PPP1R1C: variants seen among roughly 807,000 people sequenced by gnomAD.
PPP1R1C encodes protein phosphatase 1 regulatory subunit 1C.
A neutral mutation model predicts 17.4 loss-of-function variants in PPP1R1C; 15 were observed. The observed-to-expected ratio is 0.86, with a 90% CI of 0.58 to 1.33. The LOEUF is 1.33. Among genes scored for constraint, PPP1R1C ranks in the 40% most tolerant of loss-of-function variants. The pLI, the probability that PPP1R1C is intolerant of heterozygous loss-of-function variation, is 0.00. For missense variants in PPP1R1C, 143 were observed against 130.0 expected (o/e 1.10, Z -0.48); for synonymous variants, 35 against 43.1 (o/e 0.81, Z 0.73).
At chr2:182,042,374 G>A (rs1687211373) in intron 2 of PPP1R1C, among the ~76,000 whole-genome samples, 2 of 152,194 alleles carry the variant, frequency 1.3e-5, no homozygotes, top group South Asian at 2.1e-4. Flanking sequence ...ATTTCAGAAA[G>A]CAAGAATAAG....
Position 181,962,214 on chromosome 2 carries a change from C to A in PPP1R1C, n.111+7580C>A. ...CTGTCCAGGTAGGAGGCCAGACGGT[C>A]ATTCAGGCTTTGCATTGTCTCCTTC... On this transcript the variant is annotated intron_variant and non_coding_transcript_variant, in intron 1 of 5. Coordinates refer to the PPP1R1C transcript ENST00000464264. This position sits in a 1 kb window ranked among gnomAD's most constrained non-coding sequence, Gnocchi z 6.0. 1 of 737,394 alleles carries A rather than the reference C, an allele frequency of 1.4e-6. No individual in the cohort carries two copies. The highest frequency in any genetic ancestry group is 1.4e-5 in the South Asian group (1 of 72,438). The allele number at this position is 737,394 out of a possible 1,614,324, so 45.7% of individuals were successfully genotyped here. A position where few individuals can be genotyped will look rare whatever the true frequency, so the allele number is the denominator to read the frequency against.
chr2:182,019,251 T>C (rs1367557742), intron 2 of PPP1R1C, among the ~76,000 whole-genome samples: 3 of 152,232 alleles, frequency 2.0e-5, no homozygotes, highest in Non-Finnish European at 4.4e-5. Context: ...CAATAATTCC[T>C]GAAGTTTCTT....
At chr2:182,090,895 T>A (rs1688761323) in intron 4 of PPP1R1C, among the ~76,000 whole-genome samples, 1 of 152,128 alleles carries the variant, frequency 6.6e-6, no homozygotes, top group Non-Finnish European at 1.5e-5. Flanking sequence ...ACATAAAAAC[T>A]TTAAAGTTTG....
intron 2 of PPP1R1C, among the ~76,000 whole-genome samples, chr2:182,039,498 C>T (rs568833757): frequency 2.6e-5 from 4 of 152,258 alleles, no homozygotes; most frequent in African/African-American, 9.6e-5. Context: ...AATTCTCTAA[C>T]CTCAGCCTCC....
At chr2:181,996,958 G>A (rs1047119034) in intron 2 of PPP1R1C, among the ~76,000 whole-genome samples, 11 of 152,142 alleles carry the variant, frequency 7.2e-5, no homozygotes, top group African/African-American at 2.4e-4. Flanking sequence ...AGCCGGGCGC[G>A]GTGGCTCACG....
intron 4 of PPP1R1C, among the ~76,000 whole-genome samples, chr2:182,082,192 T>C (rs1412215680): frequency 6.6e-6 from 1 of 152,092 alleles, no homozygotes; most frequent in Non-Finnish European, 1.5e-5. Flanking sequence ...ACTTCACCCA[T>C]GCAAAGAATA....
upstream of PPP1R1C, among the ~76,000 whole-genome samples, chr2:181,982,528 A>T (rs1009275535): frequency 6.6e-6 from 1 of 152,236 alleles, no homozygotes; most frequent in Admixed American, 6.5e-5. Flanking sequence ...GGAAATTATT[A>T]TAGAATAACA....
chr2:182,019,717 G>T (rs1686359656), intron 2 of PPP1R1C, among the ~76,000 whole-genome samples: 8 of 152,168 alleles, frequency 5.3e-5, no homozygotes, highest in Admixed American at 5.2e-4. Context: ...TTTGAACTCA[G>T]AGATCTGATC....
intron 2 of PPP1R1C, among the ~76,000 whole-genome samples, chr2:182,028,788 G>C (rs1196181): frequency 8.8e-6 from 1 of 113,996 alleles, no homozygotes; most frequent in Non-Finnish European, 1.9e-5. Flanking sequence ...TGTCTCGTTG[G>C]TCTGTCTAAT....
At chr2:182,017,867 G>T in intron 2 of PPP1R1C, among the ~76,000 whole-genome samples, 1 of 152,084 alleles carries the variant, frequency 6.6e-6, no homozygotes, top group East Asian at 1.9e-4. Flanking sequence ...TAGATTTCTG[G>T]GATAAGTCAA....
chr2:182,115,172 T>C lies in PPP1R1C; in HGVS notation c.242-2035T>C, dbSNP rs533577595. Among the ~76,000 whole-genome samples the C allele has an allele frequency of 3.3e-5, 5 of 152,264 alleles. No homozygotes were observed. In the South Asian group the frequency reaches 8.3e-4, roughly 25 times the overall value. The stretch of plus-strand genomic sequence containing the variant: ...CTAAGGAAGAAGAGTGGTAGGTGGC[T>C]GAATGATTACTGTGTCTTAATATTT... On this transcript the variant is annotated intron_variant, in intron 4 of 4. Transcript: ENST00000682840.
chr2:181,982,224 T>A (rs2125137373), upstream of PPP1R1C, among the ~76,000 whole-genome samples: 1 of 152,238 alleles, frequency 6.6e-6, no homozygotes, highest in Non-Finnish European at 1.5e-5. Context: ...TTGACAGTTA[T>A]CAGATAAAGA....
Position 182,063,806 on chromosome 2 carries a change from C to G in PPP1R1C, c.241+15C>G. On this transcript the variant is annotated intron_variant, in intron 4 of 4. Coordinates refer to ENST00000682840, the MANE Select transcript of PPP1R1C (RefSeq NM_001080545.3). ...CACCATAAAAGGTACTGTTCAGGTA[C>G]TGTTTCGGGTTGTCATGAGTGGTGA... is the stretch of plus-strand genomic sequence containing the variant. The G allele has an allele frequency of 6.2e-7, 1 of 1,609,536 alleles. No individual in the cohort carries two copies. The highest frequency in any genetic ancestry group is 1.1e-5 in the South Asian group (1 of 90,976).
At chr2:182,126,180 T>C (rs1689868142) in intron 5 of PPP1R1C, among the ~76,000 whole-genome samples, 1 of 152,058 alleles carries the variant, frequency 6.6e-6, no homozygotes, top group Non-Finnish European at 1.5e-5. Flanking sequence ...TAAAAGTCTT[T>C]ATATGTTTTT....
chr2:182,131,193 A>T (rs1435353548), downstream of PPP1R1C: 1 of 136,954 alleles, frequency 7.3e-6, no homozygotes, highest in South Asian at 2.3e-4. Context: ...TTTTTTTTCT[A>T]TTGAGCAGTG....
rs1461836171 is a variant in PPP1R1C at position 182,033,220 on chromosome 2, T to C, written c.143-28222T>C. On this transcript the variant is annotated intron_variant, in intron 2 of 4. Coordinates refer to ENST00000682840, the MANE Select transcript of PPP1R1C (RefSeq NM_001080545.3). ...CATCTTGCTCTGCTCCTAAGTTTCC[T>C]ACCACACAAACAATGATCTTTCTAG... Among the ~76,000 whole-genome samples the C allele has an allele frequency of 2.0e-5, 3 of 152,192 alleles. No individual in the cohort carries two copies. The East Asian group carries it at 5.8e-4, about 29-fold the overall frequency.
At chr2:182,063,374 A>G (rs1687899397) in intron 3 of PPP1R1C, among the ~76,000 whole-genome samples, 1 of 152,092 alleles carries the variant, frequency 6.6e-6, no homozygotes, top group South Asian at 2.1e-4. Flanking sequence ...AGCTTTTGGA[A>G]TATACTTTGT....
At chr2:182,122,211 G>C (rs968620890), downstream of PPP1R1C, among the ~76,000 whole-genome samples, 1 of 138,496 alleles carries the variant, frequency 7.2e-6, no homozygotes, top group African/African-American at 3.1e-5. Context: ...CCAAGGTAAG[G>C]GTATTTATAA....
chr2:182,104,870 G>A (rs543671936), intron 4 of PPP1R1C, among the ~76,000 whole-genome samples: 37 of 152,276 alleles, frequency 2.4e-4, no homozygotes, highest in Admixed American at 2.6e-4. Flanking sequence ...GAATTCAGCC[G>A]TGAAGCCATC....
Sources: allele counts gnomAD v4.1 joint callset (sites outside exome capture counted in the v4.1 genomes callset), GRCh38; gene constraint gnomAD v4.1.1; non-coding constraint Gnocchi (gnomAD v3.1); transcripts MANE v1.5; gene names NCBI Gene and HGNC (gene_info 2026-07-23, HGNC 2026-07-21).